ZFC3H1: variants seen among roughly 807,000 people sequenced by gnomAD.
ZFC3H1 encodes zinc finger C3H1 domain-containing protein.
Under a neutral mutation model 243.7 loss-of-function variants are expected in ZFC3H1, and 71 were observed. The ratio of observed to expected loss-of-function variants is 0.29; its 90% CI spans 0.24 to 0.36. The LOEUF (loss-of-function observed/expected upper bound fraction) is 0.36. Among genes scored for constraint, ZFC3H1 ranks in the 10% least tolerant of loss-of-function variants. The pLI is 1.00. For missense variants in ZFC3H1, 1,966 were observed against 2,317.1 expected (o/e 0.85, Z 3.11); for synonymous variants, 838 against 813.0 (o/e 1.03, Z -0.52).
At chr12:71,639,875 T>A (rs1244644921) in intron 6 of ZFC3H1, among the ~76,000 whole-genome samples, 1 of 152,212 alleles carries the variant, frequency 6.6e-6, no homozygotes, top group African/African-American at 2.4e-5. Flanking sequence ...TTGATTCAGT[T>A]AATAGTATTA....
chr12:71,652,705 C>T (rs1482831801), intron 2 of ZFC3H1, among the ~76,000 whole-genome samples: 1 of 152,134 alleles, frequency 6.6e-6, no homozygotes, highest in Admixed American at 6.5e-5. Flanking sequence ...TCTTTTCTAT[C>T]CCTCTGTGTT....
chr12:71,648,543 G>C (rs1880786240), intron 2 of ZFC3H1, among the ~76,000 whole-genome samples: 2 of 152,086 alleles, frequency 1.3e-5, no homozygotes, highest in Admixed American at 1.3e-4. Context: ...TGCAAAGCTA[G>C]GATTTAAACT....
rs932457061 is a variant in ZFC3H1, at chr12:71,642,290, A to C, written c.1627+146T>G. 23 of 867,522 alleles carry C rather than the reference A, an allele frequency of 2.7e-5. No homozygotes were observed. In the Admixed American group the frequency reaches 6.3e-4, roughly 24 times the overall value. 53.7% of individuals were successfully genotyped at this position (867,522 alleles called of 1,614,324 possible). On this transcript the variant is annotated intron_variant, in intron 6 of 34. Transcript: ENST00000378743. ...TTTGAGGTTTGCTCTCTAAGTATTT[A>C]CAACAACAAATAATGTCTATCGCCA... is the stretch of plus-strand genomic sequence containing the variant.
chr12:71,634,391 A>G, intron 11 of ZFC3H1, 87 bp from the exon 12 acceptor site: 12 of 1,402,898 alleles, frequency 8.6e-6, no homozygotes, highest in East Asian at 2.4e-5. Flanking sequence ...TGCAGTAACA[A>G]TATTAATCAC....
At chr12:71,624,467 CT>C (rs1205659290) in intron 22 of ZFC3H1, among the ~76,000 whole-genome samples, 175 bp from the exon 23 acceptor site, 1 of 152,204 alleles carries the variant, frequency 6.6e-6, no homozygotes, top group Non-Finnish European at 1.5e-5. Context: ...ACTCCCTCTT[CT>C]ATCACATATC....
In ZFC3H1 at chr12:71,633,027, A is replaced by G; in HGVS notation, c.2686-10T>C. 6.3e-7 allele frequency: 1 copy of G among 1,584,604 alleles called. No homozygotes were observed. The highest frequency in any genetic ancestry group is 1.7e-4 in the Middle Eastern group (1 of 5,970). ...GTTGAACTCTGTGAATCTGAAAAAT[A>G]TAGAATAATCCTGAAAATGTAAATG... On this transcript the variant is annotated splice_polypyrimidine_tract_variant and intron_variant, in intron 13 of 34. Transcript: ENST00000378743.
rs914053649 is a variant in ZFC3H1 at position 71,663,671 on chromosome 12, G to C, written c.-61C>G. ...CCGTCCGGGGATCCGCCCGACAATT[G>C]CCTCGTTTCCCTTCTTTCCTAACGG... On this transcript the variant is annotated 5_prime_UTR_variant, in exon 1 of 35. Transcript: ENST00000378743. The C allele has an allele frequency of 3.9e-6, 6 of 1,546,980 alleles. No homozygotes were observed. The African/African-American group carries it at 8.1e-5, about 21-fold the overall frequency.
intron 2 of ZFC3H1, among the ~76,000 whole-genome samples, chr12:71,648,385 A>G (rs1880779731): frequency 1.3e-5 from 2 of 152,244 alleles, no homozygotes; most frequent in South Asian, 4.1e-4. Flanking sequence ...ACAAAATCTT[A>G]CATTTATATA....
Position 71,663,649 on chromosome 12 carries a change from T to C in ZFC3H1, c.-39A>G, listed in dbSNP as rs201337573. The C allele has an allele frequency of 1.5e-5, 23 of 1,575,844 alleles. No homozygotes were observed. The African/African-American group carries it at 3.0e-4, about 20-fold the overall frequency. On this transcript the variant is annotated 5_prime_UTR_variant, in exon 1 of 35. Coordinates refer to ENST00000378743, the MANE Select transcript of ZFC3H1 (RefSeq NM_144982.5). Reference sequence around the variant, plus strand: ...CCTTCCACACAACCTTAGCCCTCCGTCCGGGGATCCGCCCGACAATTGCCT... The same window carrying C: ...CCTTCCACACAACCTTAGCCCTCCGCCCGGGGATCCGCCCGACAATTGCCT...
chr12:71,649,724 AT>A (rs1229318166), intron 2 of ZFC3H1, among the ~76,000 whole-genome samples: 1 of 152,256 alleles, frequency 6.6e-6, no homozygotes, highest in Non-Finnish European at 1.5e-5. Flanking sequence ...TAAACACTAA[AT>A]TATTCTCCTA....
Position 71,634,832 on chromosome 12 carries a change from A to G in ZFC3H1, c.2239-7T>C, listed in dbSNP as rs749972131. ...CTTTCGGTTTTGAAGCTTGCTAAAA[A>G]AAAAAAAACATTTGAAGTCAACTAG... is the stretch of plus-strand genomic sequence containing the variant. On this transcript the variant is annotated splice_region_variant and splice_polypyrimidine_tract_variant and intron_variant, in intron 10 of 34. Coordinates refer to ENST00000378743, the MANE Select transcript of ZFC3H1 (RefSeq NM_144982.5). 14 of 1,577,874 alleles carry G rather than the reference A, an allele frequency of 8.9e-6. No homozygotes were observed. Among genetic ancestry groups the G allele is most frequent in the Non-Finnish European group, 1.2e-5 (14 of 1,170,728 alleles).
chr12:71,661,293 CT>C (rs1400106951), intron 1 of ZFC3H1, among the ~76,000 whole-genome samples: 19 of 151,736 alleles, frequency 1.3e-4, no homozygotes, highest in African/African-American at 4.6e-4. Context: ...GAGCGAGACT[CT>C]GTCTCAAAAA....
At chr12:71,628,862 A>G in intron 20 of ZFC3H1, 56 bp downstream of exon 20, 6 of 1,509,606 alleles carry the variant, frequency 4.0e-6, no homozygotes, top group Non-Finnish European at 5.3e-6. Context: ...AGTGTTAAAT[A>G]AAGATGGAAC....
intron 7 of ZFC3H1, among the ~76,000 whole-genome samples, chr12:71,638,093 T>TA (rs1484496669): frequency 6.6e-6 from 1 of 152,056 alleles, no homozygotes; most frequent in African/African-American, 2.4e-5. Flanking sequence ...TCCAATTCCC[T>TA]AAAAAAGAGA....
chr12:71,660,647 A>C (rs992155444), intron 1 of ZFC3H1, among the ~76,000 whole-genome samples: 3 of 152,176 alleles, frequency 2.0e-5, no homozygotes, highest in Admixed American at 2.0e-4. Flanking sequence ...AAAAGCAGAA[A>C]GCCCACTCAC....
chr12:71,627,677 C>T, intron 21 of ZFC3H1, 74 bp downstream of exon 21: 2 of 1,414,780 alleles, frequency 1.4e-6, no homozygotes, highest in Non-Finnish European at 1.9e-6. Context: ...TGACTGATTA[C>T]CATAGGTAAA....
chr12:71,629,135 C>T (rs1352935850), intron 19 of ZFC3H1, 98 bp from the exon 20 acceptor site: 6 of 1,034,950 alleles, frequency 5.8e-6, no homozygotes, highest in Non-Finnish European at 8.1e-6. Flanking sequence ...ACTACATTCA[C>T]TCCATCTTAG....
Position 71,632,911 on chromosome 12 carries a change from C to A in ZFC3H1, c.2792G>T (p.Arg931Leu). Residue 931 changes from arginine (R) to leucine (L), a missense_variant, in exon 14 of 35, where the codon CGT becomes CTT. This residue lies in a region of ZFC3H1 where 1,383 missense variants were observed against 1,723.7 expected (regional missense o/e 0.80). Transcript: ENST00000378743. ...KAVASKEIGK[R>L]KLEQDRFGPN... is the part of the protein sequence containing the mutation. ...CCCAAAGCGATCTTGTTCCAGTTTACGTTTTCCTATTTCTTTACTGGCCAC... is the reference window on the plus strand; with the variant it reads ...CCCAAAGCGATCTTGTTCCAGTTTAAGTTTTCCTATTTCTTTACTGGCCAC... 6.2e-7 allele frequency: 1 copy of A among 1,612,824 alleles called. No homozygotes were observed. Among genetic ancestry groups the A allele is most frequent in the East Asian group, 2.2e-5 (1 of 44,828 alleles).
At position 71,619,428 on chromosome 12, in the gene ZFC3H1, G is replaced by A. The variant is rs759537560; in HGVS notation, c.5050-19C>T. On this transcript the variant is annotated intron_variant, in intron 26 of 34. Transcript: ENST00000378743. ...CTCGATTCTATTTTAAAAAGAGGGA[G>A]GGGGATATATATCAGGCTTACAATG... 7 of 1,603,460 alleles carry A rather than the reference G, an allele frequency of 4.4e-6. No individual in the cohort carries two copies. Among genetic ancestry groups the A allele is most frequent in the Non-Finnish European group, 6.0e-6 (7 of 1,171,316 alleles).
Sources: gnomAD v4.1 joint callset for allele counts (sites outside exome capture counted in the v4.1 genomes callset) on GRCh38, gnomAD v4.1.1 for gene constraint, gnomAD v4.1.1 regional missense constraint, MANE v1.5 for transcripts, NCBI Gene and HGNC (gene_info 2026-07-23, HGNC 2026-07-21) for gene names.